MOB3B: variants seen among roughly 807,000 people sequenced by gnomAD.
MOB3B encodes MOB kinase activator 3B.
A neutral mutation model predicts 18.7 loss-of-function variants in MOB3B; 7 were observed. The observed-to-expected ratio is 0.37, with a 90% confidence interval of 0.21 to 0.70. MOB3B has a LOEUF of 0.70. Among genes scored for constraint, MOB3B ranks in the 30% least tolerant of loss-of-function variants. The pLI, the probability that MOB3B is intolerant of heterozygous loss-of-function variation, is 0.52. For missense variants in MOB3B, 253 were observed against 281.3 expected (o/e 0.90, Z 0.72); for synonymous variants, 111 against 99.9 (o/e 1.11, Z -0.66).
In MOB3B at chr9:27,490,978, C is replaced by A. The variant is rs1400707873; in HGVS notation, c.-198-35230G>T. On this transcript the variant is annotated intron_variant, in intron 1 of 3. Coordinates refer to ENST00000262244, the MANE Select transcript of MOB3B (RefSeq NM_024761.5). ...AAGCCCTAGATAGCACATCATACAG[C>A]CTTTTTTTTTTTTAATTCAGAAAAT... Among the ~76,000 whole-genome samples the A allele has an allele frequency of 3.3e-4, 7 of 21,054 alleles. No homozygotes were observed. In the Non-Finnish European group the frequency reaches 3.4e-3, roughly 10 times the overall value. 13.8% of individuals were successfully genotyped at this position (21,054 alleles called of 152,430 possible).
At chr9:27,356,264 G>A (rs1821189171) in intron 3 of MOB3B, among the ~76,000 whole-genome samples, 1 of 152,184 alleles carries the variant, frequency 6.6e-6, no homozygotes, top group Non-Finnish European at 1.5e-5. Context: ...ACTATTGCAA[G>A]CAAGATTTAA....
At chr9:27,335,318 A>G (rs1165802496) in intron 3 of MOB3B, among the ~76,000 whole-genome samples, 3 of 152,178 alleles carry the variant, frequency 2.0e-5, no homozygotes, top group Non-Finnish European at 4.4e-5. Flanking sequence ...AATTTCGGAG[A>G]TGTGGCAACT....
chr9:27,504,593 G>A (rs1425115397), intron 1 of MOB3B, among the ~76,000 whole-genome samples: 2 of 152,112 alleles, frequency 1.3e-5, no homozygotes, highest in East Asian at 1.9e-4. Flanking sequence ...AAGAAAGCAG[G>A]GCACACTAGC....
At chr9:27,481,663 C>T (rs987917526) in intron 1 of MOB3B, among the ~76,000 whole-genome samples, 14 of 151,636 alleles carry the variant, frequency 9.2e-5, no homozygotes, top group Admixed American at 9.2e-4. Context: ...GTAGCTGGGA[C>T]TACAGGCGCC....
intron 1 of MOB3B, among the ~76,000 whole-genome samples, chr9:27,489,495 A>C (rs990925926): frequency 1.8e-4 from 27 of 152,204 alleles, no homozygotes; most frequent in African/African-American, 6.3e-4. Flanking sequence ...TTTTCCAAAA[A>C]TTCACTAAGC....
chr9:27,381,326 G>C (rs868471948), intron 2 of MOB3B, among the ~76,000 whole-genome samples: 1 of 152,022 alleles, frequency 6.6e-6, no homozygotes, highest in African/African-American at 2.4e-5. Flanking sequence ...GTTGCCTCTC[G>C]GTGTTGCCTC....
At chr9:27,368,544 G>T (rs1280093876) in intron 2 of MOB3B, among the ~76,000 whole-genome samples, 1 of 152,160 alleles carries the variant, frequency 6.6e-6, no homozygotes, top group Non-Finnish European at 1.5e-5. Flanking sequence ...ATCCTGTGTA[G>T]CAGGACTTTG....
intron 1 of MOB3B, among the ~76,000 whole-genome samples, chr9:27,527,025 G>T (rs946304410): frequency 6.8e-6 from 1 of 147,820 alleles, no homozygotes; most frequent in African/African-American, 2.5e-5. Flanking sequence ...TTTATTCCAA[G>T]GAAATAGGTT....
chr9:27,502,315 TAATTCC>T (rs1479000202), intron 1 of MOB3B, among the ~76,000 whole-genome samples: 1 of 152,352 alleles, frequency 6.6e-6, no homozygotes, highest in Non-Finnish European at 1.5e-5. Context: ...TACTTAATAC[TAATTCC>T]AAATACCTCT....
intron 2 of MOB3B, among the ~76,000 whole-genome samples, chr9:27,452,352 A>G (rs1478453854): frequency 1.3e-5 from 2 of 152,222 alleles, no homozygotes; most frequent in Non-Finnish European, 2.9e-5. Context: ...AGGACATGGT[A>G]TCTGAGCTGA....
intron 2 of MOB3B, among the ~76,000 whole-genome samples, chr9:27,416,002 A>G (rs1406966861): frequency 1.3e-5 from 2 of 152,236 alleles, no homozygotes; most frequent in African/African-American, 2.4e-5. Flanking sequence ...TAATCCTAAA[A>G]GGAAAAACAT....
intron 1 of MOB3B, among the ~76,000 whole-genome samples, chr9:27,502,814 C>A (rs1318161315): frequency 6.6e-6 from 1 of 152,188 alleles, no homozygotes; most frequent in Admixed American, 6.5e-5. Flanking sequence ...TTCAGTCTTT[C>A]TAAAGAGAAT....
chr9:27,387,415 G>A (rs1241733248), intron 2 of MOB3B, among the ~76,000 whole-genome samples: 4 of 152,152 alleles, frequency 2.6e-5, no homozygotes, highest in African/African-American at 9.7e-5. Context: ...GTTTCCCTGT[G>A]TAAGCTTGGG....
intron 2 of MOB3B, among the ~76,000 whole-genome samples, chr9:27,408,095 C>T (rs781053934): frequency 6.6e-6 from 1 of 152,090 alleles, no homozygotes; most frequent in Non-Finnish European, 1.5e-5. Context: ...AATCTCTGGC[C>T]GAGGCTGACA....
chr9:27,458,029 T>C (rs1313929433), intron 1 of MOB3B, among the ~76,000 whole-genome samples: 1 of 152,220 alleles, frequency 6.6e-6, no homozygotes, highest in Non-Finnish European at 1.5e-5. Context: ...GGTGAGGACT[T>C]GTTTTTTAAA....
intron 2 of MOB3B, among the ~76,000 whole-genome samples, chr9:27,386,191 C>T (rs544995055): frequency 5.9e-5 from 9 of 152,268 alleles, no homozygotes; most frequent in Admixed American, 3.3e-4. Flanking sequence ...TTTGGGCAGC[C>T]GACTTCTCTT....
chr9:27,378,763 G>A (rs1349789706), intron 2 of MOB3B: 1 of 445,980 alleles, frequency 2.2e-6, no homozygotes, highest in Non-Finnish European at 4.7e-6. Context: ...GGAAATGAAG[G>A]TCTTATCACA....
intron 2 of MOB3B, among the ~76,000 whole-genome samples, chr9:27,445,868 G>T (rs930853701): frequency 1.3e-5 from 2 of 152,126 alleles, no homozygotes; most frequent in Admixed American, 1.3e-4. Flanking sequence ...ATATGATCCA[G>T]GGGGTGGGCA....
intron 2 of MOB3B, chr9:27,397,134 T>G (rs1182590590): frequency 6.6e-6 from 1 of 152,080 alleles, no homozygotes; most frequent in Non-Finnish European, 1.5e-5. Flanking sequence ...TCAACAGAAG[T>G]TGGGGAAGAG....
Sources: gnomAD v4.1 joint callset for allele counts (sites outside exome capture counted in the v4.1 genomes callset) on GRCh38, gnomAD v4.1.1 for gene constraint, MANE v1.5 for transcripts, NCBI Gene and HGNC (gene_info 2026-07-23, HGNC 2026-07-21) for gene names.